LRP1B: variants seen among roughly 807,000 people sequenced by gnomAD.
The protein encoded by LRP1B is LDL receptor related protein 1B.
LRP1B carries 217 observed loss-of-function variants against 556.6 expected under a neutral mutation model. The ratio of observed to expected loss-of-function variants is 0.39; its 90% CI spans 0.35 to 0.44. LRP1B has a LOEUF of 0.44. LRP1B is among the 20% of genes least tolerant of loss of function. The pLI, the probability that LRP1B is intolerant of heterozygous loss-of-function variation, is 1.00. For synonymous variants in LRP1B, 2,047 were observed against 1,865.8 expected (o/e 1.10, Z -2.50); for missense variants, 5,053 against 5,620.8 (o/e 0.90, Z 3.23).
intron 2 of LRP1B, among the ~76,000 whole-genome samples, chr2:141,634,171 G>T (rs1689014840): frequency 6.6e-6 from 1 of 151,712 alleles, no homozygotes; most frequent in South Asian, 2.1e-4. Context: ...CTAATATAAT[G>T]TGCTCATATA....
chr2:141,056,440 A>G (rs1336669849), intron 9 of LRP1B, among the ~76,000 whole-genome samples: 1 of 151,866 alleles, frequency 6.6e-6, no homozygotes, highest in Non-Finnish European at 1.5e-5. Flanking sequence ...CCTAGCTTAC[A>G]TCCACACTGT....
intron 5 of LRP1B, among the ~76,000 whole-genome samples, chr2:141,240,993 G>A (rs987277191): frequency 6.6e-6 from 1 of 152,006 alleles, no homozygotes; most frequent in Non-Finnish European, 1.5e-5. Flanking sequence ...GTCAAAAACG[G>A]TGCTAGACTG....
At chr2:140,770,329 T>C (rs937482473) in intron 34 of LRP1B, among the ~76,000 whole-genome samples, 1 of 151,960 alleles carries the variant, frequency 6.6e-6, no homozygotes, top group African/African-American at 2.4e-5. Flanking sequence ...TTTTTAACGA[T>C]AAAAATTAAC....
intron 3 of LRP1B, among the ~76,000 whole-genome samples, chr2:141,273,049 C>A (rs930475789): frequency 6.6e-6 from 1 of 152,146 alleles, no homozygotes; most frequent in African/African-American, 2.4e-5. Context: ...TGGCTCACGC[C>A]TGTAATCCCA....
intron 2 of LRP1B, among the ~76,000 whole-genome samples, chr2:141,554,978 T>C (rs1375941533): frequency 1.3e-5 from 2 of 151,958 alleles, no homozygotes; most frequent in Non-Finnish European, 2.9e-5. Context: ...TCTTGGGAAC[T>C]GCGTAACCTA....
chr2:141,967,979 A>G (rs184828401), intron 1 of LRP1B, among the ~76,000 whole-genome samples: 2 of 151,954 alleles, frequency 1.3e-5, no homozygotes, highest in African/African-American at 4.8e-5. Context: ...AAATCAGAAG[A>G]ACAAAAATGT....
At chr2:141,039,798 T>A (rs1292399464) in intron 11 of LRP1B, among the ~76,000 whole-genome samples, 2 of 152,102 alleles carry the variant, frequency 1.3e-5, no homozygotes, top group East Asian at 3.9e-4. Context: ...ATAACCCATA[T>A]TTTAATCTTC....
At chr2:140,551,667 A>G (rs1469738447) in intron 43 of LRP1B, among the ~76,000 whole-genome samples, 1 of 152,198 alleles carries the variant, frequency 6.6e-6, no homozygotes, top group African/African-American at 2.4e-5. Flanking sequence ...TAGCTTAGAT[A>G]AGAACCAAAA....
chr2:140,771,322 T>A (rs1689304310), intron 33 of LRP1B, among the ~76,000 whole-genome samples: 1 of 152,144 alleles, frequency 6.6e-6, no homozygotes, highest in Admixed American at 6.5e-5. Flanking sequence ...AGCATCTTTT[T>A]CTCTTTTGAT....
At position 140,509,960 on chromosome 2, in the gene LRP1B, T is replaced by C. The variant is rs548778076; in HGVS notation, c.8366A>G (p.Asp2789Gly). ...WLCDGERDCPDGSDELSTAGC... is the reference protein window; with the variant it reads ...WLCDGERDCPGGSDELSTAGC... Reference sequence around the variant, plus strand: ...TGCTGTGGAAAGCTCATCGCTTCCATCTGGACAGTCCCTTTCACCATCACA... The same window carrying C: ...TGCTGTGGAAAGCTCATCGCTTCCACCTGGACAGTCCCTTTCACCATCACA... The change falls in exon 52 of 91, where the codon GAT (aspartate) becomes GGT (glycine). Residue 2789 changes from aspartate to glycine, a missense_variant. Asp to Gly is a moderately conservative substitution (Grantham distance 94). Around this residue, in one of 5 missense-constraint regions of LRP1B, gnomAD observed 3,619 missense variants for 3,931.9 expected, o/e 0.92. Transcript: ENST00000389484. The C allele has an allele frequency of 6.2e-7, 1 of 1,613,972 alleles. No homozygotes were observed. Among genetic ancestry groups the C allele is most frequent in the African/African-American group, 1.3e-5 (1 of 75,036 alleles).
Position 141,049,104 on chromosome 2 carries a change from G to T in LRP1B, c.1671C>A (p.Asn557Lys), listed in dbSNP as rs1417539632. The change falls in exon 11 of 91, where the codon AAC becomes AAA. Residue 557 changes from asparagine (N) to lysine (K), a missense_variant. Around this residue, in one of 5 missense-constraint regions of LRP1B, gnomAD observed 3,619 missense variants for 3,931.9 expected, o/e 0.92. Transcript: ENST00000389484. Reference sequence around the variant, plus strand: ...CTGCGTGAAAGTCTAAAGCACGAGGGTTTACCAGATTTTCTATGGGGATCA... The same window carrying T: ...CTGCGTGAAAGTCTAAAGCACGAGGTTTTACCAGATTTTCTATGGGGATCA... Reference protein sequence around the residue: ...EYMIPIENLVNPRALDFHAET... With the variant: ...EYMIPIENLVKPRALDFHAET... The T allele has an allele frequency of 4.3e-6, 7 of 1,613,446 alleles. No individual in the cohort carries two copies. The highest frequency in any genetic ancestry group is 5.9e-6 in the Non-Finnish European group (7 of 1,179,616).
chr2:141,310,918 A>G (rs1423769145), intron 3 of LRP1B, among the ~76,000 whole-genome samples: 1 of 152,216 alleles, frequency 6.6e-6, no homozygotes, highest in African/African-American at 2.4e-5. Context: ...GGATGAAAAC[A>G]TAATGTTGCT....
chr2:140,621,148 G>A (rs188634211), intron 41 of LRP1B, among the ~76,000 whole-genome samples: 54 of 151,870 alleles, frequency 3.6e-4, no homozygotes, highest in African/African-American at 4.3e-4. Context: ...TTGGGAGGCC[G>A]AGGCAGGTGG....
chr2:140,851,554 A>G, intron 28 of LRP1B, 98 bp downstream of exon 28: 1 of 1,395,118 alleles, frequency 7.2e-7, no homozygotes, highest in East Asian at 2.4e-5. Context: ...AGAAAAAAAA[A>G]CTTCCTCTGC....
chr2:140,324,458 A>C (rs1231357465), intron 80 of LRP1B, among the ~76,000 whole-genome samples: 2 of 152,096 alleles, frequency 1.3e-5, no homozygotes, highest in Non-Finnish European at 2.9e-5. Flanking sequence ...ATAAATGATC[A>C]AATTACATGC....
At chr2:141,329,469 C>T (rs140246057) in intron 3 of LRP1B, among the ~76,000 whole-genome samples, 2 of 150,676 alleles carry the variant, frequency 1.3e-5, no homozygotes, top group Non-Finnish European at 2.9e-5. Context: ...ACAGTGAAAC[C>T]CTGTCTCTAC....
chr2:140,843,962 A>C (rs1356429581), intron 29 of LRP1B, among the ~76,000 whole-genome samples: 4 of 152,314 alleles, frequency 2.6e-5, no homozygotes, highest in African/African-American at 9.6e-5. Flanking sequence ...TGAACTATAA[A>C]ATCTAAAATT....
intron 43 of LRP1B, among the ~76,000 whole-genome samples, chr2:140,584,345 C>A (rs937563180): frequency 1.3e-4 from 19 of 151,732 alleles, no homozygotes; most frequent in African/African-American, 4.6e-4. Flanking sequence ...GCTTCTCCCT[C>A]TGTTCAGTTT....
intron 7 of LRP1B, among the ~76,000 whole-genome samples, chr2:141,170,929 C>T (rs983805228): frequency 6.6e-6 from 1 of 152,062 alleles, no homozygotes; most frequent in Non-Finnish European, 1.5e-5. Flanking sequence ...TGAAATTAGT[C>T]ATCTGTTTCC....
Sources: gnomAD v4.1 joint callset for allele counts (sites outside exome capture counted in the v4.1 genomes callset) on GRCh38, gnomAD v4.1.1 for gene constraint, gnomAD v4.1.1 regional missense constraint, MANE v1.5 for transcripts, NCBI Gene and HGNC (gene_info 2026-07-23, HGNC 2026-07-21) for gene names.